Variants in ADAMTS12 observed in about 807,000 individuals in gnomAD.
ADAMTS12 encodes the protein ADAM metallopeptidase with thrombospondin type 1 motif 12.
A neutral mutation model predicts 167.8 loss-of-function variants in ADAMTS12; 118 were observed. The ratio of observed to expected loss-of-function variants is 0.70; its 90% confidence interval spans 0.61 to 0.82. ADAMTS12 has a LOEUF of 0.82. Among genes scored for constraint, ADAMTS12 ranks in the 40% least tolerant of loss-of-function variants. The probability of loss-of-function intolerance (pLI) is 0.00; values close to 1 mark genes in which losing one functional copy is unlikely to be tolerated. For missense variants in ADAMTS12, 1,916 were observed against 1,998.8 expected (o/e 0.96, Z 0.79); for synonymous variants, 704 against 716.9 (o/e 0.98, Z 0.29).
intron 9 of ADAMTS12, among the ~76,000 whole-genome samples, chr5:33,644,242 AAT>A (rs1740580120): frequency 6.6e-6 from 1 of 152,140 alleles, no homozygotes; most frequent in Non-Finnish European, 1.5e-5. Flanking sequence ...TGGAACCCGT[AAT>A]TGTTGTTGAT....
chr5:33,868,184 T>C (rs1338272129), intron 2 of ADAMTS12, among the ~76,000 whole-genome samples: 1 of 152,188 alleles, frequency 6.6e-6, no homozygotes, highest in African/African-American at 2.4e-5. Context: ...TATAGCACTA[T>C]GAGAATGGAC....
chr5:33,643,529 A>C (rs748879877), intron 9 of ADAMTS12, 59 bp from the exon 10 acceptor site: 170 of 1,503,822 alleles, frequency 1.1e-4, no homozygotes, highest in Non-Finnish European at 7.3e-5. Context: ...GCATTTCTAT[A>C]GTTACAGTAA....
intron 3 of ADAMTS12, among the ~76,000 whole-genome samples, chr5:33,740,123 G>C (rs1311618848): frequency 6.6e-6 from 1 of 152,164 alleles, no homozygotes; most frequent in Non-Finnish European, 1.5e-5. Flanking sequence ...GAATGACAGA[G>C]GTGGTACCAG....
chr5:33,870,733 C>G (rs1037936967), intron 2 of ADAMTS12, among the ~76,000 whole-genome samples: 1 of 152,146 alleles, frequency 6.6e-6, no homozygotes, highest in Admixed American at 6.5e-5. Flanking sequence ...CTCATGGGGA[C>G]AGATTTCCCC....
At chr5:33,555,441 G>T (rs1242812091) in intron 20 of ADAMTS12, among the ~76,000 whole-genome samples, 1 of 152,074 alleles carries the variant, frequency 6.6e-6, no homozygotes, top group East Asian at 1.9e-4. Context: ...GTGGAGACGG[G>T]GTTTTGCCAT....
intron 19 of ADAMTS12, among the ~76,000 whole-genome samples, chr5:33,569,225 C>G (rs184162725): frequency 2.6e-5 from 4 of 152,334 alleles, no homozygotes; most frequent in Admixed American, 2.0e-4. Context: ...CCTGGGCTGA[C>G]AGCTCTGAAG....
At chr5:33,558,341 G>C (rs1196452479) in intron 20 of ADAMTS12, among the ~76,000 whole-genome samples, 5 of 152,098 alleles carry the variant, frequency 3.3e-5, no homozygotes, top group Non-Finnish European at 5.9e-5. Context: ...TAATAAAAGA[G>C]ACACTTTCTT....
At position 33,588,935 on chromosome 5, in the gene ADAMTS12, C is replaced by T. The variant is rs1561149949; in HGVS notation, c.2655-126G>A. Reference sequence around the variant, plus strand: ...GGAAGGGCCATGGAGACACTCCAACCCACTAGGGGGCGTGCTGCAGACAGG... The same window carrying T: ...GGAAGGGCCATGGAGACACTCCAACTCACTAGGGGGCGTGCTGCAGACAGG... On this transcript the variant is annotated intron_variant, in intron 17 of 23. Coordinates refer to ENST00000504830, the MANE Select transcript of ADAMTS12 (RefSeq NM_030955.4). 6.1e-6 allele frequency: 7 copies of T among 1,154,484 alleles called. No individual in the cohort carries two copies. In the East Asian group the frequency reaches 1.8e-4, roughly 29 times the overall value. The allele number at this position is 1,154,484 out of a possible 1,614,324, so 71.5% of individuals were successfully genotyped here. A position where few individuals can be genotyped will look rare whatever the true frequency, so the allele number is the denominator to read the frequency against.
Position 33,539,853 on chromosome 5 carries a change from A to C in ADAMTS12, c.4447-4861T>G, listed in dbSNP as rs533451427. 3.2e-5 allele frequency among the ~76,000 whole-genome samples: 4 copies of C among 124,792 alleles called. No homozygotes were observed. The South Asian group carries it at 1.0e-3, about 32-fold the overall frequency. 81.9% of individuals were successfully genotyped at this position (124,792 alleles called of 152,430 possible). On this transcript the variant is annotated intron_variant, in intron 22 of 23. Coordinates refer to ENST00000504830, the MANE Select transcript of ADAMTS12 (RefSeq NM_030955.4). ...GGTTCCAAGATGGCTGAATAGGAAG[A>C]GCTCTGGTCTGCAGCTCCCAGCGAG...
At chr5:33,742,775 C>T (rs991815171) in intron 3 of ADAMTS12, among the ~76,000 whole-genome samples, 2 of 149,604 alleles carry the variant, frequency 1.3e-5, no homozygotes, top group African/African-American at 5.1e-5. Context: ...ATTCATTCAA[C>T]ATTTACCAGA....
At chr5:33,876,707 G>GTAAAAT (rs1192525207) in intron 2 of ADAMTS12, among the ~76,000 whole-genome samples, 18 of 152,076 alleles carry the variant, frequency 1.2e-4, no homozygotes, top group Admixed American at 3.9e-4. Context: ...ATGAGGTGGT[G>GTAAAAT]GTACCATGAG....
At chr5:33,626,574 G>T (rs1038532497) in intron 13 of ADAMTS12, among the ~76,000 whole-genome samples, 2 of 151,152 alleles carry the variant, frequency 1.3e-5, no homozygotes, top group South Asian at 2.1e-4. Flanking sequence ...TGATGTGATG[G>T]TGGTGGTGAT....
chr5:33,867,233 G>C (rs1220203429), intron 2 of ADAMTS12, among the ~76,000 whole-genome samples: 2 of 152,050 alleles, frequency 1.3e-5, no homozygotes, highest in Non-Finnish European at 2.9e-5. Flanking sequence ...CCAACAAATG[G>C]ATAAAGAAAA....
Position 33,576,034 on chromosome 5 carries a change from A to G in ADAMTS12, c.3972+20T>C. Reference sequence around the variant, plus strand: ...GCTTTTTTCCATGTAAAACCAGGCCAGGGGTAGGAAATGTCTTACCTCGCT... The same window carrying G: ...GCTTTTTTCCATGTAAAACCAGGCCGGGGGTAGGAAATGTCTTACCTCGCT... On this transcript the variant is annotated intron_variant, in intron 19 of 23. Coordinates refer to ENST00000504830, the MANE Select transcript of ADAMTS12 (RefSeq NM_030955.4). 1.3e-6 allele frequency: 2 copies of G among 1,594,144 alleles called. No homozygotes were observed. The highest frequency in any genetic ancestry group is 1.7e-6 in the Non-Finnish European group (2 of 1,169,612).
At chr5:33,886,283 TATG>T (rs1480508173) in intron 1 of ADAMTS12, among the ~76,000 whole-genome samples, 4 of 152,216 alleles carry the variant, frequency 2.6e-5, no homozygotes, top group Non-Finnish European at 5.9e-5. Flanking sequence ...TGTAGAATAA[TATG>T]ATAATAATTA....
chr5:33,648,203 A>C (rs945317488), intron 9 of ADAMTS12, among the ~76,000 whole-genome samples: 1 of 152,204 alleles, frequency 6.6e-6, no homozygotes, highest in African/African-American at 2.4e-5. Flanking sequence ...CTAACAGCAG[A>C]GTAGACCACG....
chr5:33,539,250 C>A (rs1014428327), intron 22 of ADAMTS12, among the ~76,000 whole-genome samples: 3 of 152,148 alleles, frequency 2.0e-5, no homozygotes, highest in African/African-American at 4.8e-5. Context: ...CCACAATTTT[C>A]TTTATTTTCA....
At chr5:33,655,970 C>T (rs75182387) in intron 7 of ADAMTS12, among the ~76,000 whole-genome samples, 1,982 of 152,190 alleles carry the variant, frequency 0.013, 44 homozygotes, top group East Asian at 0.073. Flanking sequence ...AACTCAAAGA[C>T]GGTTCTCTAG....
At chr5:33,545,368 C>T (rs1744919942) in intron 22 of ADAMTS12, among the ~76,000 whole-genome samples, 1 of 152,156 alleles carries the variant, frequency 6.6e-6, no homozygotes, top group Non-Finnish European at 1.5e-5. Context: ...ACAACAGATG[C>T]TGGAGAAGAT....
Sources: allele counts gnomAD v4.1 joint callset (sites outside exome capture counted in the v4.1 genomes callset), GRCh38; gene constraint gnomAD v4.1.1; transcripts MANE v1.5; gene names NCBI Gene and HGNC (gene_info 2026-07-23, HGNC 2026-07-21).